The following TANC2 variants were observed in gnomAD, a reference collection of about 807,000 sequenced individuals.
TANC2 encodes tetratricopeptide repeat, ankyrin repeat and coiled-coil containing 2.
In TANC2, 26 loss-of-function variants were observed where a neutral mutation model predicts 210.5. The observed-to-expected ratio is 0.12, with a 90% CI of 0.09 to 0.17. TANC2 has a LOEUF of 0.17. Among genes scored for constraint, TANC2 ranks in the 10% least tolerant of loss-of-function variants. The pLI is 1.00. For synonymous variants in TANC2, 931 were observed against 967.1 expected, an observed-to-expected ratio of 0.96 and a Z score of 0.69; for missense variants, 2,129 against 2,608.9, an observed-to-expected ratio of 0.82 and a Z score of 4.01.
At chr17:62,984,795 T>G (rs2032487621) in intron 1 of TANC2, among the ~76,000 whole-genome samples, 1 of 152,220 alleles carries the variant, frequency 6.6e-6, no homozygotes, top group African/African-American at 2.4e-5. Context: ...ATTTTTAGTT[T>G]CATTCTAAAT....
chr17:63,226,322 T>C (rs1411047249), intron 7 of TANC2, among the ~76,000 whole-genome samples: 4 of 152,212 alleles, frequency 2.6e-5, no homozygotes, highest in Non-Finnish European at 4.4e-5. Context: ...CAAAAGCCTT[T>C]AATCATGTGC....
At chr17:63,144,251 G>A (rs1455106113) in intron 4 of TANC2, among the ~76,000 whole-genome samples, 4 of 152,006 alleles carry the variant, frequency 2.6e-5, no homozygotes, top group Non-Finnish European at 2.9e-5. Flanking sequence ...GAAATGAATC[G>A]TTTTTTCATT....
At chr17:63,278,688 A>G (rs2043968745) in intron 9 of TANC2, among the ~76,000 whole-genome samples, 3 of 152,200 alleles carry the variant, frequency 2.0e-5, no homozygotes, top group Admixed American at 1.3e-4. Flanking sequence ...TGTTTATTGC[A>G]GCATTATTCA....
intron 5 of TANC2, among the ~76,000 whole-genome samples, chr17:63,160,385 A>T (rs1473165339): frequency 2.0e-5 from 3 of 152,232 alleles, no homozygotes; most frequent in Non-Finnish European, 4.4e-5. Context: ...ACACAAAATT[A>T]AAAAATAGTT....
chr17:63,234,260 A>G (rs185220235), intron 7 of TANC2, among the ~76,000 whole-genome samples: 6 of 152,338 alleles, frequency 3.9e-5, no homozygotes, highest in African/African-American at 1.4e-4. Context: ...ACACTTCACC[A>G]ATACTGAATC....
At chr17:63,337,008 T>C (rs2046054069) in intron 11 of TANC2, among the ~76,000 whole-genome samples, 1 of 152,204 alleles carries the variant, frequency 6.6e-6, no homozygotes, top group African/African-American at 2.4e-5. Context: ...TTTTCAGGCT[T>C]GTTTTCTATT....
intron 5 of TANC2, among the ~76,000 whole-genome samples, chr17:63,183,367 T>A (rs1310327705): frequency 1.3e-5 from 2 of 152,260 alleles, no homozygotes; most frequent in African/African-American, 4.8e-5. Context: ...TTCTATTTTT[T>A]TCTCTATTTA....
chr17:63,382,324 G>C (rs1450364654), intron 15 of TANC2, among the ~76,000 whole-genome samples: 1 of 152,012 alleles, frequency 6.6e-6, no homozygotes, highest in African/African-American at 2.4e-5. Flanking sequence ...TTTTCCTCTA[G>C]CTCTTAATAA....
chr17:63,416,892 G>A (rs534454091), intron 26 of TANC2, among the ~76,000 whole-genome samples: 2 of 152,322 alleles, frequency 1.3e-5, no homozygotes, highest in East Asian at 3.9e-4. Flanking sequence ...GGTCTCCTGT[G>A]AAATGAAAGG....
chr17:63,365,727 A>G (rs969802399), intron 14 of TANC2, among the ~76,000 whole-genome samples: 2 of 151,908 alleles, frequency 1.3e-5, no homozygotes, highest in African/African-American at 4.8e-5. Flanking sequence ...AGTTCCCTCC[A>G]TCTGGAGCTC....
rs1464303502 is a variant in TANC2 at position 62,966,505 on chromosome 17, G to C, written c.-268G>C. On this transcript the variant is annotated 5_prime_UTR_variant, in exon 1 of 28. Coordinates refer to ENST00000689528, the Ensembl canonical transcript of TANC2. The surrounding 1 kb of genome is among the most constrained non-coding windows in gnomAD (Gnocchi z 5.1). ...GCGGAGCGAGGCGCCCGCCGCCGCC[G>C]AGCCGAGCCGAGGGGCGAGAGCTGG... 6.7e-6 allele frequency among the ~76,000 whole-genome samples: 1 copy of C among 149,126 alleles called. No individual in the cohort carries two copies. Among genetic ancestry groups the C allele is most frequent in the Non-Finnish European group, 1.5e-5 (1 of 66,828 alleles).
intron 9 of TANC2, among the ~76,000 whole-genome samples, chr17:63,285,742 G>A (rs1201505337): frequency 1.3e-5 from 2 of 152,144 alleles, no homozygotes; most frequent in Non-Finnish European, 2.9e-5. Context: ...TGTATACCGG[G>A]AAAACGCATT....
intron 1 of TANC2, among the ~76,000 whole-genome samples, chr17:62,974,122 C>G (rs1348479743): frequency 3.3e-5 from 5 of 152,198 alleles, no homozygotes; most frequent in African/African-American, 4.8e-5. Flanking sequence ...GATATACCAG[C>G]TACTTTTTTG....
chr17:63,307,840 A>G (rs900997743), intron 9 of TANC2, among the ~76,000 whole-genome samples: 1 of 152,158 alleles, frequency 6.6e-6, no homozygotes, highest in Non-Finnish European at 1.5e-5. Context: ...ATCTCAGCTC[A>G]CTGCAATCTC....
exon 6 of TANC2, chr17:63,194,088 A>G (rs2041267788): frequency 6.2e-7 from 1 of 1,613,376 alleles, no homozygotes; most frequent in Admixed American, 1.7e-5. Flanking sequence ...AGAAAGTCAC[A>G]GAAGTTCAGC....
At chr17:63,282,573 T>C (rs1025461884) in intron 9 of TANC2, among the ~76,000 whole-genome samples, 1 of 152,146 alleles carries the variant, frequency 6.6e-6, no homozygotes, top group African/African-American at 2.4e-5. Flanking sequence ...CTAGATCATC[T>C]GACAGGTATA....
At chr17:63,172,405 C>T (rs1240059810) in intron 5 of TANC2, among the ~76,000 whole-genome samples, 3 of 152,104 alleles carry the variant, frequency 2.0e-5, no homozygotes, top group Admixed American at 2.0e-4. Flanking sequence ...TGGTTTTGAA[C>T]TCCTGACCTC....
At chr17:63,033,670 G>A (rs2034862427) in intron 2 of TANC2, among the ~76,000 whole-genome samples, 1 of 152,058 alleles carries the variant, frequency 6.6e-6, no homozygotes, top group South Asian at 2.1e-4. Context: ...AAGTTTCTGG[G>A]TTAAGTGACT....
chr17:63,130,175 T>C (rs2038866901), intron 4 of TANC2, among the ~76,000 whole-genome samples: 1 of 152,184 alleles, frequency 6.6e-6, no homozygotes, highest in East Asian at 1.9e-4. Context: ...ATTGTTTCTC[T>C]CATCTTAATC....
Sources: gnomAD v4.1 joint callset for allele counts (sites outside exome capture counted in the v4.1 genomes callset) on GRCh38, gnomAD v4.1.1 for gene constraint, Gnocchi (gnomAD v3.1) non-coding constraint, MANE v1.5 for transcripts, NCBI Gene and HGNC (gene_info 2026-07-23, HGNC 2026-07-21) for gene names.